LYPD6: variants seen among roughly 807,000 people sequenced by gnomAD.
LYPD6 encodes ly6/PLAUR domain-containing protein 6.
In LYPD6, 15 loss-of-function variants were observed where a neutral mutation model predicts 22.7. The ratio of observed to expected loss-of-function variants is 0.66; its 90% CI spans 0.44 to 1.02. The LOEUF (loss-of-function observed/expected upper bound fraction) is 1.02. Among genes scored for constraint, LYPD6 ranks in the 50% least tolerant of loss-of-function variants. The pLI, the probability that LYPD6 is intolerant of heterozygous loss-of-function variation, is 0.00. For synonymous variants in LYPD6, 72 were observed against 77.5 expected (o/e 0.93, Z 0.37); for missense variants, 189 against 208.4 (o/e 0.91, Z 0.57).
At chr2:149,455,509 C>T (rs750893894) in intron 3 of LYPD6, among the ~76,000 whole-genome samples, 11 of 152,084 alleles carry the variant, frequency 7.2e-5, no homozygotes, top group Non-Finnish European at 1.3e-4. Flanking sequence ...CCACCCACCT[C>T]GGCCTTCCAA....
chr2:149,366,848 T>C (rs1681680559), intron 1 of LYPD6, among the ~76,000 whole-genome samples: 1 of 152,214 alleles, frequency 6.6e-6, no homozygotes, highest in Admixed American at 6.5e-5. Flanking sequence ...CCAGGGCCCC[T>C]TTACAAGTTT....
intron 2 of LYPD6, 124 bp downstream of exon 2, chr2:149,437,950 G>A (rs889293119): frequency 8.4e-6 from 9 of 1,075,004 alleles, no homozygotes; most frequent in Admixed American, 4.2e-5. Context: ...CTGGGGTGGT[G>A]CGGTAATTTA....
chr2:149,432,387 T>C (rs968493846), intron 1 of LYPD6, among the ~76,000 whole-genome samples: 1 of 152,184 alleles, frequency 6.6e-6, no homozygotes, highest in South Asian at 2.1e-4. Flanking sequence ...AGTATGTTCA[T>C]ACAATAAAAG....
intron 1 of LYPD6, among the ~76,000 whole-genome samples, chr2:149,364,393 T>G (rs1184820354): frequency 6.6e-6 from 1 of 152,186 alleles, no homozygotes; most frequent in Non-Finnish European, 1.5e-5. Context: ...TGACCAGACC[T>G]GAATTCATTG....
chr2:149,483,608 C>T, the LYPD6 span, among the ~76,000 whole-genome samples: 1 of 152,018 alleles, frequency 6.6e-6, no homozygotes, highest in Non-Finnish European at 1.5e-5. Context: ...ATGCTATTTG[C>T]AGTTGGTTAA....
chr2:149,330,575 C>G (rs1233240113), upstream of LYPD6: 1 of 151,176 alleles, frequency 6.6e-6, no homozygotes, highest in South Asian at 2.1e-4. Flanking sequence ...CCGCCTCTCC[C>G]CGCTGCGCTC....
chr2:149,448,787 C>G (rs79479161), intron 2 of LYPD6, among the ~76,000 whole-genome samples: 2 of 152,152 alleles, frequency 1.3e-5, no homozygotes, highest in African/African-American at 4.8e-5. Flanking sequence ...TGAAGGACAT[C>G]GAGGATATTT....
intron 1 of LYPD6, among the ~76,000 whole-genome samples, chr2:149,422,337 G>C (rs1683098873): frequency 6.6e-6 from 1 of 152,164 alleles, no homozygotes; most frequent in Admixed American, 6.5e-5. Flanking sequence ...GCCCACTCCA[G>C]AGCCTGTGCT....
At chr2:149,480,857 G>A in the LYPD6 span, among the ~76,000 whole-genome samples, 7 of 152,284 alleles carry the variant, frequency 4.6e-5, no homozygotes, top group Admixed American at 4.6e-4. Flanking sequence ...ATGGAGCAAA[G>A]TAAGAATATA....
At chr2:149,398,752 G>A (rs571300877) in intron 1 of LYPD6, among the ~76,000 whole-genome samples, 2 of 152,104 alleles carry the variant, frequency 1.3e-5, no homozygotes, top group African/African-American at 4.8e-5. Flanking sequence ...AACATAAGGG[G>A]ACTCAGCCAC....
intron 1 of LYPD6, among the ~76,000 whole-genome samples, chr2:149,333,554 A>G (rs1017161): frequency 0.16 from 24,121 of 152,236 alleles, 2,139 homozygotes; most frequent in Middle Eastern, 0.27. Context: ...TGTGTAAAGC[A>G]TGAATAATGC....
intron 1 of LYPD6, among the ~76,000 whole-genome samples, chr2:149,430,586 AGATT>A (rs1381906472): frequency 6.6e-6 from 1 of 152,220 alleles, no homozygotes; most frequent in Non-Finnish European, 1.5e-5. Flanking sequence ...AATTAAATCA[AGATT>A]GATTGTGATC....
intron 2 of LYPD6, among the ~76,000 whole-genome samples, chr2:149,443,527 T>C (rs1683614163): frequency 6.6e-6 from 1 of 152,200 alleles, no homozygotes; most frequent in African/African-American, 2.4e-5. Context: ...ACTTTGATCA[T>C]TCCACTTCAA....
At chr2:149,407,061 C>T (rs961234065) in intron 1 of LYPD6, among the ~76,000 whole-genome samples, 2 of 152,094 alleles carry the variant, frequency 1.3e-5, no homozygotes, top group African/African-American at 4.8e-5. Context: ...AATATTGGCC[C>T]CCACTCTCTT....
At chr2:149,437,096 C>T (rs1683448932) in intron 1 of LYPD6, among the ~76,000 whole-genome samples, 2 of 152,178 alleles carry the variant, frequency 1.3e-5, no homozygotes, top group Non-Finnish European at 2.9e-5. Flanking sequence ...TCAGTAGTAC[C>T]TGGCCAACAA....
chr2:149,392,995 C>T (rs1018500606), intron 1 of LYPD6, among the ~76,000 whole-genome samples: 2 of 152,110 alleles, frequency 1.3e-5, no homozygotes, highest in African/African-American at 4.8e-5. Flanking sequence ...CACTGTGCTC[C>T]AGCCTGGGCG....
intron 1 of LYPD6, among the ~76,000 whole-genome samples, chr2:149,387,686 G>A (rs79888033): frequency 0.025 from 3,772 of 152,254 alleles, 146 homozygotes; most frequent in African/African-American, 0.085. Flanking sequence ...CAGACAATGA[G>A]CACGAGGTGC....
At chr2:149,485,418 T>C in the LYPD6 span, among the ~76,000 whole-genome samples, 1 of 152,186 alleles carries the variant, frequency 6.6e-6, no homozygotes, top group East Asian at 1.9e-4. Flanking sequence ...TGAAAGGGAA[T>C]TGCTTTCAGG....
chr2:149,449,435 C>T (rs1048853209), intron 3 of LYPD6, among the ~76,000 whole-genome samples: 1 of 152,188 alleles, frequency 6.6e-6, no homozygotes, highest in African/African-American at 2.4e-5. Context: ...AGAGAACAGC[C>T]AGTCTGTCTG....
Sources: gnomAD v4.1 joint callset for allele counts (sites outside exome capture counted in the v4.1 genomes callset) on GRCh38, gnomAD v4.1.1 for gene constraint, MANE v1.5 for transcripts, NCBI Gene and HGNC (gene_info 2026-07-23, HGNC 2026-07-21) for gene names.